STK39: variants seen among roughly 807,000 people sequenced by gnomAD.
STK39 encodes the protein STE20/SPS1-related proline-alanine-rich protein kinase.
STK39 carries 20 observed loss-of-function variants against 77.8 expected under a neutral mutation model. The ratio of observed to expected loss-of-function variants is 0.26; its 90% CI spans 0.18 to 0.37. STK39 has a LOEUF of 0.37. Among genes scored for constraint, STK39 ranks in the 10% least tolerant of loss-of-function variants. The pLI is 1.00. For synonymous variants in STK39, 246 were observed against 234.1 expected (o/e 1.05, Z -0.47); for missense variants, 479 against 656.5 (o/e 0.73, Z 2.95).
rs1688567460 is a variant in STK39 at position 168,161,309 on chromosome 2, CT to C, written c.628+477del. 2.0e-5 allele frequency among the ~76,000 whole-genome samples: 3 copies of C among 152,210 alleles called. No individual in the cohort carries two copies. The South Asian group carries it at 6.2e-4, about 32-fold the overall frequency. ...AAAAGACATTCATTGCATCCCCAGCCTACCAGCTTTGTCAAGAATAGCCATG... is the reference window on the plus strand; with the variant it reads ...AAAAGACATTCATTGCATCCCCAGCCACCAGCTTTGTCAAGAATAGCCATG... On this transcript the variant is annotated intron_variant, in intron 5 of 17. Coordinates refer to ENST00000355999, the MANE Select transcript of STK39 (RefSeq NM_013233.3).
At chr2:167,983,963 A>G (rs149746534) in intron 16 of STK39, among the ~76,000 whole-genome samples, 27 of 152,196 alleles carry the variant, frequency 1.8e-4, no homozygotes, top group African/African-American at 6.5e-4. Flanking sequence ...TTGTGAGGAA[A>G]CCACAGAGAA....
chr2:168,135,315 T>G (rs1445592298), intron 8 of STK39, among the ~76,000 whole-genome samples: 3 of 151,718 alleles, frequency 2.0e-5, no homozygotes, highest in African/African-American at 7.3e-5. Context: ...AGAGACTCCC[T>G]GGGCACTGTG....
chr2:168,202,100 G>A (rs1391720081), intron 1 of STK39, among the ~76,000 whole-genome samples: 1 of 152,170 alleles, frequency 6.6e-6, no homozygotes, highest in Non-Finnish European at 1.5e-5. Flanking sequence ...ATTTCTCCAA[G>A]TGTTATCTGT....
intron 14 of STK39, among the ~76,000 whole-genome samples, chr2:168,038,269 A>G (rs1281327792): frequency 6.6e-6 from 1 of 152,164 alleles, no homozygotes; most frequent in African/African-American, 2.4e-5. Flanking sequence ...AAGCCCACGA[A>G]AAAGTGTTTC....
intron 14 of STK39, among the ~76,000 whole-genome samples, chr2:168,027,042 T>C (rs1388424734): frequency 1.3e-5 from 2 of 152,194 alleles, no homozygotes; most frequent in Admixed American, 6.5e-5. Context: ...TTTATAATTT[T>C]TGAAAGTATT....
At chr2:168,018,538 A>AAAAGAAAGAAAAGAAAGAAAAG (rs1553514700) in intron 14 of STK39, among the ~76,000 whole-genome samples, 2 of 85,428 alleles carry the variant, frequency 2.3e-5, no homozygotes, top group African/African-American at 5.7e-5. Context: ...GAAAAGAAAG[A>AAAAGAAAGAAAAGAAAGAAAAG]AAAGAAAGAA....
chr2:168,063,477 G>T (rs1559079400), intron 14 of STK39, 23 bp downstream of exon 14: 5 of 1,594,450 alleles, frequency 3.1e-6, no homozygotes, highest in South Asian at 1.1e-5. Context: ...AAACAATGCA[G>T]AATAAACAAC....
chr2:168,171,689 G>A (rs963895590), intron 2 of STK39, among the ~76,000 whole-genome samples: 1 of 151,932 alleles, frequency 6.6e-6, no homozygotes, highest in Non-Finnish European at 1.5e-5. Context: ...GGGTCTCACT[G>A]TGTTGCCCAG....
chr2:168,060,543 G>A (rs1387568260), intron 14 of STK39, among the ~76,000 whole-genome samples: 2 of 152,116 alleles, frequency 1.3e-5, no homozygotes, highest in African/African-American at 4.8e-5. Context: ...TGTTTCAGCC[G>A]CCTAGTCTAT....
At chr2:168,038,133 A>G (rs1052581077) in intron 14 of STK39, among the ~76,000 whole-genome samples, 1 of 152,184 alleles carries the variant, frequency 6.6e-6, no homozygotes. Flanking sequence ...TACAAAGCCG[A>G]GTCTATGGTA....
At chr2:168,019,949 C>G (rs928708708) in intron 14 of STK39, among the ~76,000 whole-genome samples, 1 of 152,154 alleles carries the variant, frequency 6.6e-6, no homozygotes, top group African/African-American at 2.4e-5. Context: ...AAGTGATCAG[C>G]CTGCCTCAGC....
chr2:168,037,457 G>A (rs562693743), intron 14 of STK39, among the ~76,000 whole-genome samples: 2 of 152,146 alleles, frequency 1.3e-5, no homozygotes, highest in Non-Finnish European at 2.9e-5. Flanking sequence ...AATGATCTAT[G>A]ATGTGAAATA....
At chr2:168,042,913 T>C (rs1685145287) in intron 14 of STK39, among the ~76,000 whole-genome samples, 1 of 152,164 alleles carries the variant, frequency 6.6e-6, no homozygotes, top group African/African-American at 2.4e-5. Flanking sequence ...GCAGGGTCCA[T>C]AGATGGGTTT....
At chr2:168,174,374 C>T (rs1257718926) in intron 2 of STK39, among the ~76,000 whole-genome samples, 3 of 152,194 alleles carry the variant, frequency 2.0e-5, no homozygotes, top group East Asian at 1.9e-4. Context: ...CATGAAATTG[C>T]GTGCTCTGCA....
At chr2:167,972,548 C>T (rs1371745358) in intron 16 of STK39, among the ~76,000 whole-genome samples, 1 of 152,104 alleles carries the variant, frequency 6.6e-6, no homozygotes, top group Non-Finnish European at 1.5e-5. Flanking sequence ...CTTTCTGGCA[C>T]CATAACTGTG....
intron 2 of STK39, among the ~76,000 whole-genome samples, chr2:168,179,870 G>C (rs978735368): frequency 6.6e-6 from 1 of 152,170 alleles, no homozygotes; most frequent in African/African-American, 2.4e-5. Context: ...CGCTAGCAGA[G>C]GGAAACGTGA....
chr2:168,043,129 G>A (rs532033396), intron 14 of STK39, among the ~76,000 whole-genome samples: 199 of 152,196 alleles, frequency 1.3e-3, no homozygotes, highest in African/African-American at 4.6e-3. Context: ...CCTGACTGAC[G>A]GCTATGAATA....
Position 168,167,352 on chromosome 2 carries a change from G to C in STK39, c.377C>G (p.Thr126Ser). ...CSHPNVVTYY[T>S]SFVVKDELWL... Reference sequence around the variant, plus strand: ...AAGTTCATCTTTGACCACAAAAGAGGTGTAATAGGTCACTACGTTGGGATG... The same window carrying C: ...AAGTTCATCTTTGACCACAAAAGAGCTGTAATAGGTCACTACGTTGGGATG... Residue 126 changes from threonine to serine, a missense_variant, in exon 3 of 18, where the codon ACC (threonine) becomes AGC (serine). Coordinates refer to ENST00000355999, the MANE Select transcript of STK39 (RefSeq NM_013233.3). The C allele has an allele frequency of 1.2e-6, 2 of 1,613,798 alleles. No individual in the cohort carries two copies. Among genetic ancestry groups the C allele is most frequent in the Non-Finnish European group, 1.7e-6 (2 of 1,179,812 alleles).
At chr2:168,083,591 G>A (rs1254649472) in intron 10 of STK39, among the ~76,000 whole-genome samples, 1 of 152,054 alleles carries the variant, frequency 6.6e-6, no homozygotes, top group Middle Eastern at 3.2e-3. Flanking sequence ...GCAGAAGAGA[G>A]GATGACTGTC....
Sources: gnomAD v4.1 joint callset for allele counts (sites outside exome capture counted in the v4.1 genomes callset) on GRCh38, gnomAD v4.1.1 for gene constraint, MANE v1.5 for transcripts, NCBI Gene and HGNC (gene_info 2026-07-23, HGNC 2026-07-21) for gene names.